The following OSBPL1A variants were observed in gnomAD, a reference collection of about 807,000 sequenced individuals.
OSBPL1A encodes oxysterol binding protein like 1A, also known as oxysterol-binding protein-related protein 1.
In OSBPL1A, 80 loss-of-function variants were observed where a neutral mutation model predicts 137.1. The ratio of observed to expected loss-of-function variants is 0.58; its 90% CI spans 0.49 to 0.70. The LOEUF is 0.70. OSBPL1A is among the 30% of genes least tolerant of loss of function. The pLI is 0.00. For missense variants in OSBPL1A, 970 were observed against 1,129.4 expected, an observed-to-expected ratio of 0.86 and a Z score of 2.02; for synonymous variants, 365 against 389.7, an observed-to-expected ratio of 0.94 and a Z score of 0.75.
At position 24,256,625 on chromosome 18, in the gene OSBPL1A, C is replaced by A. The variant is rs575726667; in HGVS notation, c.1282-17243G>T. The stretch of plus-strand genomic sequence containing the variant: ...GTTAGTCCTAGCTAGAGCAATCAGA[C>A]AATAGAAAGAAATAAAGGTATCCAA... On this transcript the variant is annotated intron_variant, in intron 15 of 27. Coordinates refer to ENST00000319481, the MANE Select transcript of OSBPL1A (RefSeq NM_080597.4). Among the ~76,000 whole-genome samples the A allele has an allele frequency of 3.0e-4, 45 of 152,002 alleles. 1 individual carries two copies. The South Asian group carries it at 7.9e-3, about 27-fold the overall frequency.
In OSBPL1A at chr18:24,287,772, AAAAATAAAATAAAAT is replaced by A. The variant is rs56768879; in HGVS notation, c.1175-6839_1175-6825del. Among the ~76,000 whole-genome samples, 692 of 136,174 alleles carry A rather than the reference AAAAATAAAATAAAAT, an allele frequency of 5.1e-3. 2 individuals carry two copies. Among genetic ancestry groups the A allele is most frequent in the East Asian group, 0.026 (134 of 5,066 alleles). 89.3% of individuals were successfully genotyped at this position (136,174 alleles called of 152,430 possible). A position where few individuals can be genotyped will look rare whatever the true frequency, so the allele number is the denominator to read the frequency against. Reference sequence around the variant, plus strand: ...GGGCAACAGAGAGAGACTCTGTCTCAAAAATAAAATAAAATAAAATAAAATAAAATAAAATAAAAT... The same window carrying A: ...GGGCAACAGAGAGAGACTCTGTCTCAAAAATAAAATAAAATAAAATAAAAT... On this transcript the variant is annotated intron_variant, in intron 14 of 27. Coordinates refer to ENST00000319481, the MANE Select transcript of OSBPL1A (RefSeq NM_080597.4).
rs1056802519 is a variant in OSBPL1A, at chr18:24,337,989, A to G, written c.394+3558T>C. On this transcript the variant is annotated intron_variant, in intron 5 of 27. Coordinates refer to ENST00000319481, the MANE Select transcript of OSBPL1A (RefSeq NM_080597.4). The stretch of plus-strand genomic sequence containing the variant: ...CTCAACCAGATATGGCAAAATGTTA[A>G]TAATTGGTGAATTTGAGTGAAGGAC... Among the ~76,000 whole-genome samples the G allele has an allele frequency of 1.1e-4, 16 of 152,192 alleles. No individual in the cohort carries two copies. The East Asian group carries it at 2.7e-3, about 26-fold the overall frequency.
intron 6 of OSBPL1A, 31 bp from the exon 7 acceptor site, chr18:24,333,117 A>G (rs1360341936): frequency 1.2e-6 from 2 of 1,606,750 alleles, no homozygotes; most frequent in Admixed American, 3.3e-5. Context: ...ATGCAGAATT[A>G]TATATCAAAG....
chr18:24,232,183 C>T (rs2088303677), intron 16 of OSBPL1A, among the ~76,000 whole-genome samples: 1 of 152,132 alleles, frequency 6.6e-6, no homozygotes, highest in Non-Finnish European at 1.5e-5. Context: ...TCAGAAATAG[C>T]ACAGTAAATA....
intron 21 of OSBPL1A, among the ~76,000 whole-genome samples, chr18:24,175,105 T>TATATATATAC (rs2086394540): frequency 6.8e-5 from 1 of 14,716 alleles, no homozygotes; most frequent in African/African-American, 2.2e-4. Flanking sequence ...TTGCCATGTG[T>TATATATATAC]ATGTATATAT....
intron 27 of OSBPL1A, 109 bp downstream of exon 27, chr18:24,164,956 G>T: frequency 9.3e-7 from 1 of 1,078,400 alleles, no homozygotes; most frequent in Non-Finnish European, 1.4e-6. Context: ...GGCAGGGTTT[G>T]TGTTAGATAG....
At chr18:24,163,696 A>G (rs1272798379) in intron 27 of OSBPL1A, among the ~76,000 whole-genome samples, 1 of 151,956 alleles carries the variant, frequency 6.6e-6, no homozygotes, top group Non-Finnish European at 1.5e-5. Flanking sequence ...AGCAGTATGT[A>G]AGGCACCTGG....
At chr18:24,240,563 G>C (rs1326659550) in intron 15 of OSBPL1A, among the ~76,000 whole-genome samples, 1 of 152,168 alleles carries the variant, frequency 6.6e-6, no homozygotes, top group Non-Finnish European at 1.5e-5. Context: ...AGACAGACAG[G>C]AGGCAGAAAA....
intron 16 of OSBPL1A, among the ~76,000 whole-genome samples, chr18:24,235,071 G>T (rs967570681): frequency 2.6e-5 from 4 of 152,150 alleles, no homozygotes; most frequent in Non-Finnish European, 5.9e-5. Context: ...GTCCGTGAAG[G>T]CATCTGAGTT....
At chr18:24,223,751 A>G (rs2087970232) in intron 17 of OSBPL1A, among the ~76,000 whole-genome samples, 1 of 152,168 alleles carries the variant, frequency 6.6e-6, no homozygotes, top group Non-Finnish European at 1.5e-5. Context: ...CCCTGTAGCT[A>G]CAGCAGAGGA....
chr18:24,384,924 A>G (rs1906848126), intron 1 of OSBPL1A, among the ~76,000 whole-genome samples: 1 of 151,426 alleles, frequency 6.6e-6, no homozygotes, highest in Non-Finnish European at 1.5e-5. Flanking sequence ...AATCAATAAC[A>G]GTTTAAGTAC....
In OSBPL1A at chr18:24,281,087, C is replaced by CT. The variant is rs371196234; in HGVS notation, c.1175-140dup. 3,025 of 533,382 alleles carry CT rather than the reference C, an allele frequency of 5.7e-3. 45 individuals carry two copies. Among genetic ancestry groups the CT allele is most frequent in the African/African-American group, 0.043 (2,150 of 50,060 alleles). The allele number at this position is 533,382 out of a possible 1,614,324, so 33.0% of individuals were successfully genotyped here. A position where few individuals can be genotyped will look rare whatever the true frequency, so the allele number is the denominator to read the frequency against. On this transcript the variant is annotated intron_variant, in intron 14 of 27. Transcript: ENST00000319481. ...AAGCAAAACATATCATGTTTCTTTT[C>CT]TTTTTTTTTGTTTTCTTGAGACGGA...
chr18:24,189,098 T>C (rs976540570), intron 18 of OSBPL1A, among the ~76,000 whole-genome samples: 1 of 152,226 alleles, frequency 6.6e-6, no homozygotes, highest in Non-Finnish European at 1.5e-5. Context: ...AGTTTAAATT[T>C]ATCCATGCAA....
chr18:24,355,376 C>T lies in OSBPL1A; in HGVS notation c.282+11516G>A, dbSNP rs1343856276. Among the ~76,000 whole-genome samples the T allele has an allele frequency of 3.3e-5, 5 of 151,724 alleles. No individual in the cohort carries two copies. In the East Asian group the frequency reaches 9.8e-4, roughly 30 times the overall value. On this transcript the variant is annotated intron_variant, in intron 4 of 27. Coordinates refer to ENST00000319481, the MANE Select transcript of OSBPL1A (RefSeq NM_080597.4). ...AAATAGCTGGGCATGGTGGCAGGCA[C>T]CTGTAATCCCAGCTACTTGGGAGGG...
At chr18:24,171,747 T>C (rs2145910815) in intron 22 of OSBPL1A, among the ~76,000 whole-genome samples, 1 of 152,284 alleles carries the variant, frequency 6.6e-6, no homozygotes, top group African/African-American at 2.4e-5. Flanking sequence ...CCCAGCTCTT[T>C]CTAGTAACTC....
At chr18:24,331,704 C>G (rs1315996418) in intron 7 of OSBPL1A, among the ~76,000 whole-genome samples, 1 of 150,878 alleles carries the variant, frequency 6.6e-6, no homozygotes, top group Non-Finnish European at 1.5e-5. Context: ...CGGCATGTTC[C>G]TCTTTTAAAT....
At chr18:24,179,884 G>T in intron 19 of OSBPL1A, 49 bp from the exon 20 acceptor site, 1 of 1,478,196 alleles carries the variant, frequency 6.8e-7, no homozygotes, top group Non-Finnish European at 9.4e-7. Flanking sequence ...AGCTCGCTCC[G>T]CATTCTTTTA....
At chr18:24,392,558 A>G (rs1907433910) in intron 1 of OSBPL1A, among the ~76,000 whole-genome samples, 2 of 152,258 alleles carry the variant, frequency 1.3e-5, no homozygotes, top group African/African-American at 4.8e-5. Flanking sequence ...TATGAATGTT[A>G]CATTAATATT....
intron 15 of OSBPL1A, among the ~76,000 whole-genome samples, chr18:24,244,058 T>C (rs552461692): frequency 3.3e-5 from 5 of 152,302 alleles, no homozygotes; most frequent in East Asian, 1.9e-4. Context: ...CACTAAAAAA[T>C]TGGTGTAGAA....
Sources: gnomAD v4.1 joint callset for allele counts (sites outside exome capture counted in the v4.1 genomes callset) on GRCh38, gnomAD v4.1.1 for gene constraint, MANE v1.5 for transcripts, NCBI Gene and HGNC (gene_info 2026-07-23, HGNC 2026-07-21) for gene names.